Variants in GARRE1 observed in about 807,000 individuals in gnomAD.
GARRE1 encodes granule associated Rac and RHOG effector protein 1.
Under a neutral mutation model 103.2 loss-of-function variants are expected in GARRE1, and 49 were observed. The ratio of observed to expected loss-of-function variants is 0.47; its 90% CI spans 0.38 to 0.60. The LOEUF (loss-of-function observed/expected upper bound fraction) is 0.60. Ranked by LOEUF, GARRE1 falls within the 20% of genes least tolerant of loss-of-function variation. The pLI is 0.00. For missense variants in GARRE1, 1,199 were observed against 1,370.5 expected (o/e 0.87, Z 1.98); for synonymous variants, 505 against 532.8 (o/e 0.95, Z 0.72).
rs182208752 is a variant in GARRE1, at chr19:34,285,682, T to G, written c.-795-13997T>G. Among the ~76,000 whole-genome samples the G allele has an allele frequency of 2.8e-3, 422 of 152,180 alleles. 3 individuals are homozygous for G. The highest frequency in any genetic ancestry group is 0.017 in the East Asian group (90 of 5,170). On this transcript the variant is annotated intron_variant, in intron 1 of 13. Coordinates refer to ENST00000299505, the MANE Select transcript of GARRE1 (RefSeq NM_014686.5). ...GTATTTCAGTTCCATGACCTTTTTT[T>G]TTTGTTTGTTTCATCGTGTTAGCTA...
At chr19:34,255,090 C>T (rs896255791) in intron 1 of GARRE1, among the ~76,000 whole-genome samples, 15 of 152,012 alleles carry the variant, frequency 9.9e-5, no homozygotes, top group Non-Finnish European at 2.1e-4. Context: ...CCGGGGCTGC[C>T]GGGCGGGCTG....
intron 5 of GARRE1, 58 bp from the exon 6 acceptor site, chr19:34,327,932 A>G: frequency 6.2e-7 from 1 of 1,613,574 alleles, no homozygotes; most frequent in Non-Finnish European, 8.5e-7. Flanking sequence ...GTGTGAACCA[A>G]GTGTTTTGAC....
chr19:34,347,648 C>T (rs2074218229), intron 10 of GARRE1, among the ~76,000 whole-genome samples: 1 of 152,196 alleles, frequency 6.6e-6, no homozygotes, highest in Non-Finnish European at 1.5e-5. Context: ...TAGGCATAGC[C>T]CTTCATGACA....
Position 34,322,510 on chromosome 19 carries a change from C to T in GARRE1, c.705+2394C>T, listed in dbSNP as rs529271604. 2.6e-5 allele frequency among the ~76,000 whole-genome samples: 4 copies of T among 152,112 alleles called. No homozygotes were observed. The South Asian group carries it at 6.2e-4, about 24-fold the overall frequency. ...CTTGTAGGCATTTTAATACTTATTT[C>T]TTTCCAGTATGAGAAATAAAAAATA... On this transcript the variant is annotated intron_variant, in intron 3 of 13. Transcript: ENST00000299505.
Position 34,341,667 on chromosome 19 carries a change from C to A in GARRE1, c.1733C>A (p.Ala578Asp). 6.2e-7 allele frequency: 1 copy of A among 1,614,172 alleles called. No individual in the cohort carries two copies. The highest frequency in any genetic ancestry group is 1.3e-5 in the African/African-American group (1 of 75,054). The change falls in exon 10 of 14, where the codon GCC becomes GAC. Residue 578 changes from alanine (A) to aspartate (D), a missense_variant. Transcript: ENST00000299505. ...ATAGCTGGATGTTCCGAAGAGAAGG[C>A]CAAAATGCCTGGCAATATTGATACA... ...IFIAGCSEEK[A>D]KMPGNIDTRL...
rs757778320 is a variant in GARRE1, at chr19:34,319,863, A to C, written c.496-44A>C. ...TGAAAATTTACTGCGCGAATCCAAC[A>C]GCAACCCACAACCTAAACATCCCTG... On this transcript the variant is annotated intron_variant, in intron 2 of 13. Coordinates refer to ENST00000299505, the MANE Select transcript of GARRE1 (RefSeq NM_014686.5). 133 of 1,568,242 alleles carry C rather than the reference A, an allele frequency of 8.5e-5. 1 individual carries two copies. The highest frequency in any genetic ancestry group is 1.1e-4 in the Non-Finnish European group (121 of 1,138,808).
In GARRE1 at chr19:34,339,867, G is replaced by C; in HGVS notation, c.1362G>C (p.Trp454Cys). 6.2e-7 allele frequency: 1 copy of C among 1,614,080 alleles called. No homozygotes were observed. The highest frequency in any genetic ancestry group is 8.5e-7 in the Non-Finnish European group (1 of 1,180,012). ...CTAATGCAGCCTAATCTATGCCTAG[G>C]TGCCTGAAAGAAGACCCTGCTACCA... ...SRIVVQVPST[W>C]CLKEDPATMS... The change falls in exon 9 of 14, where the codon TGG (tryptophan) becomes TGC (cysteine). Residue 454 changes from tryptophan (W) to cysteine (C), a missense_variant and splice_region_variant. Coordinates refer to ENST00000299505, the MANE Select transcript of GARRE1 (RefSeq NM_014686.5).
intron 12 of GARRE1, among the ~76,000 whole-genome samples, chr19:34,350,326 C>T (rs1369386194): frequency 6.6e-6 from 1 of 152,098 alleles, no homozygotes; most frequent in Non-Finnish European, 1.5e-5. Flanking sequence ...AACTGAGGTG[C>T]TAAGCCTGCA....
At chr19:34,277,458 C>T (rs2073823606) in intron 1 of GARRE1, among the ~76,000 whole-genome samples, 1 of 152,150 alleles carries the variant, frequency 6.6e-6, no homozygotes, top group Admixed American at 6.5e-5. Flanking sequence ...TATGAAAAAA[C>T]ACGTGAAATT....
At chr19:34,311,622 C>G in intron 2 of GARRE1, among the ~76,000 whole-genome samples, 1 of 151,960 alleles carries the variant, frequency 6.6e-6, no homozygotes, top group South Asian at 2.1e-4. Flanking sequence ...TTCTTTTCCC[C>G]CCTCTGAGAT....
chr19:34,255,705 C>T (rs541182311), intron 1 of GARRE1, among the ~76,000 whole-genome samples: 2 of 150,434 alleles, frequency 1.3e-5, no homozygotes, highest in Admixed American at 6.6e-5. Flanking sequence ...GAGACTGTTG[C>T]CCAGGCTGGT....
In GARRE1 at chr19:34,341,559, G is replaced by C; in HGVS notation, c.1625G>C (p.Arg542Pro). 1 of 1,613,954 alleles carries C rather than the reference G, an allele frequency of 6.2e-7. No individual in the cohort carries two copies. The highest frequency in any genetic ancestry group is 8.5e-7 in the Non-Finnish European group (1 of 1,180,004). The change falls in exon 10 of 14, where the codon CGG (arginine) becomes CCG (proline). Residue 542 changes from arginine (R) to proline (P), a missense_variant. Coordinates refer to ENST00000299505, the MANE Select transcript of GARRE1 (RefSeq NM_014686.5). ...AAGACATTCTCCAAACTGACATCCCGGTTCACCAAGAAAGCTTCATGTACC... is the reference window on the plus strand; with the variant it reads ...AAGACATTCTCCAAACTGACATCCCCGTTCACCAAGAAAGCTTCATGTACC... ...LQKTFSKLTS[R>P]FTKKASCTSS...
intron 1 of GARRE1, among the ~76,000 whole-genome samples, chr19:34,263,305 C>T (rs191725464): frequency 1.0e-3 from 135 of 129,506 alleles, no homozygotes; most frequent in African/African-American, 3.7e-3. Flanking sequence ...GATAGATATA[C>T]ATGAAATAGG....
At chr19:34,272,209 G>A (rs1015888885) in intron 1 of GARRE1, among the ~76,000 whole-genome samples, 6 of 152,060 alleles carry the variant, frequency 3.9e-5, no homozygotes, top group African/African-American at 1.4e-4. Flanking sequence ...GAAATAGAAA[G>A]GTGACAGGGT....
intron 1 of GARRE1, among the ~76,000 whole-genome samples, chr19:34,268,275 G>C (rs1339103891): frequency 6.6e-6 from 1 of 152,100 alleles, no homozygotes; most frequent in African/African-American, 2.4e-5. Context: ...AAACTTTTTC[G>C]GAAGTTTAGG....
At chr19:34,286,119 C>T (rs1182224394) in intron 1 of GARRE1, among the ~76,000 whole-genome samples, 2 of 152,156 alleles carry the variant, frequency 1.3e-5, no homozygotes, top group African/African-American at 4.8e-5. Flanking sequence ...ATTGCTTGAG[C>T]TTAACAGCCA....
intron 10 of GARRE1, among the ~76,000 whole-genome samples, chr19:34,343,421 A>G (rs1449490247): frequency 1.3e-5 from 2 of 152,070 alleles, no homozygotes; most frequent in Non-Finnish European, 2.9e-5. Flanking sequence ...TGGCTGACAG[A>G]GAGAAACCCT....
At chr19:34,312,611 C>T (rs2074042222) in intron 2 of GARRE1, among the ~76,000 whole-genome samples, 1 of 152,152 alleles carries the variant, frequency 6.6e-6, no homozygotes, top group Non-Finnish European at 1.5e-5. Flanking sequence ...CATGTTGTAG[C>T]TCGCATCAGA....
chr19:34,351,209 A>AAAT (rs1555712374), intron 12 of GARRE1, among the ~76,000 whole-genome samples: 2 of 146,580 alleles, frequency 1.4e-5, no homozygotes, highest in Admixed American at 6.8e-5. Context: ...AAAAAAAAAA[A>AAAT]AAAATAAAAT....
Sources: gnomAD v4.1 joint callset for allele counts (sites outside exome capture counted in the v4.1 genomes callset) on GRCh38, gnomAD v4.1.1 for gene constraint, MANE v1.5 for transcripts, NCBI Gene and HGNC (gene_info 2026-07-23, HGNC 2026-07-21) for gene names.